The following SHANK2 variants were observed in gnomAD, a reference collection of about 807,000 sequenced individuals.
SHANK2 encodes the protein SH3 and multiple ankyrin repeat domains protein 2.
In SHANK2, 43 loss-of-function variants were observed where a neutral mutation model predicts 133.7. The ratio of observed to expected loss-of-function variants is 0.32; its 90% confidence interval spans 0.25 to 0.41. The LOEUF (loss-of-function observed/expected upper bound fraction) is 0.41, where lower values mean the gene tolerates loss of function less well. Among genes scored for constraint, SHANK2 ranks in the 10% least tolerant of loss-of-function variants. The pLI is 1.00. For synonymous variants in SHANK2, 1,017 were observed against 952.8 expected, an observed-to-expected ratio of 1.07 and a Z score of -1.24; for missense variants, 1,994 against 2,235.8, an observed-to-expected ratio of 0.89 and a Z score of 2.18.
At position 70,470,554 on chromosome 11, in the gene SHANK2, T is replaced by C. The variant is rs1381680458; in HGVS notation, c.*2315A>G. On this transcript the variant is annotated 3_prime_UTR_variant, in exon 26 of 26. Transcript: ENST00000601538. ...CCAAAGGAATGGACTCACGGAATTT[T>C]GCGGTATCATCAAATGGAAGACAAA... is the stretch of plus-strand genomic sequence containing the variant. 1.6e-4 allele frequency: 25 copies of C among 152,662 alleles called. No homozygotes were observed. The highest frequency in any genetic ancestry group is 5.8e-4 in the African/African-American group (24 of 41,466). 9.5% of individuals were successfully genotyped at this position (152,662 alleles called of 1,614,324 possible). A position where few individuals can be genotyped will look rare whatever the true frequency, so the allele number is the denominator to read the frequency against.
chr11:70,706,747 GAA>G (rs782387298), intron 14 of SHANK2, among the ~76,000 whole-genome samples: 1 of 138,946 alleles, frequency 7.2e-6, no homozygotes. Context: ...ACACTGAAAG[GAA>G]AAAAAAAAAA....
chr11:70,789,203 T>G (rs1022360441), intron 14 of SHANK2, among the ~76,000 whole-genome samples: 1 of 152,070 alleles, frequency 6.6e-6, no homozygotes, highest in Non-Finnish European at 1.5e-5. Context: ...TCCTTATGAA[T>G]AAGCGGGGAT....
intron 14 of SHANK2, among the ~76,000 whole-genome samples, chr11:70,713,585 G>T (rs192006197): frequency 1.3e-5 from 2 of 152,208 alleles, no homozygotes; most frequent in Non-Finnish European, 2.9e-5. Flanking sequence ...ACTGATCATC[G>T]GAAAGCCAGG....
intron 14 of SHANK2, among the ~76,000 whole-genome samples, chr11:70,792,059 T>C (rs1417541692): frequency 6.6e-6 from 1 of 152,184 alleles, no homozygotes; most frequent in Non-Finnish European, 1.5e-5. Context: ...CTTGTATCAT[T>C]TGACCAACCA....
chr11:70,717,407 C>A (rs1332076837), intron 14 of SHANK2, among the ~76,000 whole-genome samples: 2 of 152,186 alleles, frequency 1.3e-5, no homozygotes, highest in African/African-American at 4.8e-5. Flanking sequence ...AACTGAGAAG[C>A]CTGTTTCCTC....
intron 17 of SHANK2, among the ~76,000 whole-genome samples, chr11:70,540,491 T>G (rs1354930681): frequency 1.3e-5 from 2 of 152,024 alleles, no homozygotes; most frequent in Admixed American, 6.5e-5. Context: ...CGCGGGAGCC[T>G]GGGAGTCTCA....
At chr11:70,925,968 T>C (rs560124976) in intron 10 of SHANK2, among the ~76,000 whole-genome samples, 1 of 152,160 alleles carries the variant, frequency 6.6e-6, no homozygotes, top group Non-Finnish European at 1.5e-5. Flanking sequence ...TTTATACATA[T>C]TGTTGACTCA....
intron 14 of SHANK2, among the ~76,000 whole-genome samples, chr11:70,710,638 G>A (rs1945762870): frequency 6.6e-6 from 1 of 152,230 alleles, no homozygotes; most frequent in Non-Finnish European, 1.5e-5. Flanking sequence ...GGTGGCAGAA[G>A]GGGAAGTCGG....
intron 9 of SHANK2, among the ~76,000 whole-genome samples, chr11:71,066,999 T>C (rs1019164027): frequency 1.4e-4 from 21 of 152,310 alleles, no homozygotes; most frequent in African/African-American, 4.8e-4. Flanking sequence ...CCTGGCTTCC[T>C]CATTTACTAA....
chr11:70,822,592 A>G (rs1555056228), intron 11 of SHANK2, among the ~76,000 whole-genome samples: 9 of 136,938 alleles, frequency 6.6e-5, no homozygotes, highest in African/African-American at 8.3e-5. Flanking sequence ...TTCACGGGGG[A>G]CAGAGGTGGC....
intron 13 of SHANK2, among the ~76,000 whole-genome samples, chr11:70,803,522 TC>T (rs1427346197): frequency 6.6e-6 from 1 of 151,700 alleles, no homozygotes; most frequent in East Asian, 2.0e-4. Context: ...TGCTGCAAAA[TC>T]ACCTGAGGAG....
rs1487501207 is a variant in SHANK2 at position 71,188,872 on chromosome 11, C to A, written c.-13+35825G>T. On this transcript the variant is annotated intron_variant, in intron 2 of 25. Transcript: ENST00000601538. The surrounding 1 kb of genome is among the most constrained non-coding windows in gnomAD (Gnocchi z 4.6). Reference sequence around the variant, plus strand: ...TAGCAGGGGTCACCCCTCACAGAGGCAAGTGATGGGTCAAGGTGGGTGGAA... The same window carrying A: ...TAGCAGGGGTCACCCCTCACAGAGGAAAGTGATGGGTCAAGGTGGGTGGAA... Among the ~76,000 whole-genome samples, 10 of 152,196 alleles carry A rather than the reference C, an allele frequency of 6.6e-5. No homozygotes were observed. Among genetic ancestry groups the A allele is most frequent in the Admixed American group, 6.5e-4 (10 of 15,284 alleles).
In SHANK2 at chr11:70,541,057, G is replaced by A. The variant is rs551934625; in HGVS notation, c.2062-38126C>T. On this transcript the variant is annotated intron_variant, in intron 17 of 25. Coordinates refer to ENST00000601538, the MANE Select transcript of SHANK2 (RefSeq NM_012309.5). The stretch of plus-strand genomic sequence containing the variant: ...TGGACTTCGCTACTCTAGAAGCTTC[G>A]TATGACTGGGATGGTTCAGTGCTGA... 3.3e-5 allele frequency among the ~76,000 whole-genome samples: 5 copies of A among 152,184 alleles called. No individual in the cohort carries two copies. The East Asian group carries it at 7.7e-4, about 24-fold the overall frequency.
At chr11:71,138,449 G>A (rs1555105183) in intron 3 of SHANK2, among the ~76,000 whole-genome samples, 4 of 152,222 alleles carry the variant, frequency 2.6e-5, no homozygotes, top group Non-Finnish European at 4.4e-5. Flanking sequence ...AGGTGGAGGA[G>A]GTGAAACCTC....
chr11:71,091,768 G>A (rs1372678317), intron 8 of SHANK2, among the ~76,000 whole-genome samples: 1 of 152,132 alleles, frequency 6.6e-6, no homozygotes, highest in Admixed American at 6.5e-5. Flanking sequence ...TGGCTCTCCT[G>A]CTCCCGGGAG....
At chr11:70,863,740 C>G (rs576522508) in intron 11 of SHANK2, 13 of 446,656 alleles carry the variant, frequency 2.9e-5, no homozygotes, top group African/African-American at 2.0e-4. Context: ...TTTACAGCTA[C>G]AGAGAGTCTT....
At chr11:70,887,805 G>A (rs1325993891) in intron 11 of SHANK2, among the ~76,000 whole-genome samples, 5 of 152,058 alleles carry the variant, frequency 3.3e-5, no homozygotes, top group Admixed American at 3.3e-4. Context: ...CCTCTAGCTT[G>A]GAATTTGCTT....
At chr11:70,565,251 T>C (rs7931535) in intron 17 of SHANK2, among the ~76,000 whole-genome samples, 4 of 75,822 alleles carry the variant, frequency 5.3e-5, no homozygotes, top group African/African-American at 9.3e-5. Context: ...ATCCATCCAT[T>C]TATTTATTTT....
intron 14 of SHANK2, among the ~76,000 whole-genome samples, chr11:70,718,989 G>A (rs1555028271): frequency 6.6e-6 from 1 of 152,158 alleles, no homozygotes; most frequent in Non-Finnish European, 1.5e-5. Flanking sequence ...TGGAAATCAG[G>A]GTCATGAGAA....
Sources: gnomAD v4.1 joint callset for allele counts (sites outside exome capture counted in the v4.1 genomes callset) on GRCh38, gnomAD v4.1.1 for gene constraint, Gnocchi (gnomAD v3.1) non-coding constraint, MANE v1.5 for transcripts, NCBI Gene and HGNC (gene_info 2026-07-23, HGNC 2026-07-21) for gene names.